Variants in EYS observed in about 807,000 individuals in gnomAD.
EYS encodes EGF-like photoreceptor maintenance factor, also known as protein eyes shut homolog.
EYS carries 250 observed loss-of-function variants against 282.1 expected under a neutral mutation model. That is an observed-to-expected ratio of 0.89 (90% confidence interval 0.80 to 0.98). EYS has a LOEUF of 0.98. EYS is among the 50% of genes least tolerant of loss of function. The pLI is 0.00. For missense variants in EYS, 4,016 were observed against 3,709.0 expected (o/e 1.08, Z -2.15); for synonymous variants, 1,355 against 1,282.9 (o/e 1.06, Z -1.20).
intron 11 of EYS, among the ~76,000 whole-genome samples, chr6:65,296,330 G>A (rs1025495321): frequency 2.0e-5 from 3 of 151,794 alleles, no homozygotes; most frequent in African/African-American, 7.3e-5. Flanking sequence ...AAATAACTTT[G>A]GTGCTGAATA....
intron 35 of EYS, among the ~76,000 whole-genome samples, chr6:63,944,204 G>C (rs1215817735): frequency 6.6e-6 from 1 of 152,116 alleles, no homozygotes; most frequent in Non-Finnish European, 1.5e-5. Context: ...ATAAGCAATA[G>C]AAAAAGCTGA....
At chr6:64,377,604 A>G (rs974600763) in intron 29 of EYS, among the ~76,000 whole-genome samples, 2 of 152,178 alleles carry the variant, frequency 1.3e-5, no homozygotes, top group Admixed American at 6.6e-5. Flanking sequence ...TGAAGCAATT[A>G]TAAGAGTATT....
At chr6:65,398,904 AC>A (rs1766388184) in intron 7 of EYS, among the ~76,000 whole-genome samples, 1 of 152,106 alleles carries the variant, frequency 6.6e-6, no homozygotes, top group Non-Finnish European at 1.5e-5. Context: ...TTATTTCCCA[AC>A]CTTTCAATTG....
At chr6:64,038,415 G>A (rs555307919) in intron 33 of EYS, among the ~76,000 whole-genome samples, 2 of 152,062 alleles carry the variant, frequency 1.3e-5, no homozygotes, top group African/African-American at 2.4e-5. Context: ...AAGACATCAT[G>A]TTGTACATGA....
At chr6:63,871,192 G>A (rs1007262395) in intron 35 of EYS, among the ~76,000 whole-genome samples, 4 of 152,148 alleles carry the variant, frequency 2.6e-5, no homozygotes, top group Non-Finnish European at 5.9e-5. Flanking sequence ...AAGTAGATCT[G>A]AGCTGAGATG....
chr6:64,023,588 G>C (rs1441315505), intron 33 of EYS, among the ~76,000 whole-genome samples: 1 of 152,214 alleles, frequency 6.6e-6, no homozygotes, highest in African/African-American at 2.4e-5. Context: ...TATGGCCATT[G>C]TAGTAGATGT....
chr6:65,517,841 T>A (rs956359598), intron 2 of EYS, among the ~76,000 whole-genome samples: 2 of 152,040 alleles, frequency 1.3e-5, no homozygotes, highest in Non-Finnish European at 2.9e-5. Context: ...AGTTTTCACA[T>A]GTAAGTTTGA....
At chr6:65,027,413 T>C (rs548231793) in intron 13 of EYS, among the ~76,000 whole-genome samples, 1 of 152,344 alleles carries the variant, frequency 6.6e-6, no homozygotes, top group South Asian at 2.1e-4. Context: ...TGGACCCTCC[T>C]ACATCCTGGT....
intron 1 of EYS, among the ~76,000 whole-genome samples, chr6:65,700,699 A>G (rs1429887072): frequency 6.6e-6 from 1 of 152,102 alleles, no homozygotes; most frequent in Non-Finnish European, 1.5e-5. Flanking sequence ...CTGTTAACAT[A>G]TTACCAGCAA....
At chr6:63,748,976 A>AG (rs1174542241) in intron 41 of EYS, among the ~76,000 whole-genome samples, 4 of 151,224 alleles carry the variant, frequency 2.6e-5, no homozygotes, top group Non-Finnish European at 4.4e-5. Context: ...TTTGTGTCTC[A>AG]ATCTCCTTCA....
intron 2 of EYS, among the ~76,000 whole-genome samples, chr6:65,524,176 G>A (rs1027862359): frequency 3.3e-5 from 5 of 152,150 alleles, no homozygotes; most frequent in Non-Finnish European, 7.4e-5. Context: ...CTGGCCAGAA[G>A]TCCAATTTTC....
At chr6:64,572,922 A>G (rs988709418) in intron 26 of EYS, among the ~76,000 whole-genome samples, 1 of 152,076 alleles carries the variant, frequency 6.6e-6, no homozygotes, top group Non-Finnish European at 1.5e-5. Flanking sequence ...AAAAAAAACT[A>G]CTTTAAATTT....
At chr6:65,581,238 A>T (rs1764858178) in intron 2 of EYS, among the ~76,000 whole-genome samples, 1 of 152,044 alleles carries the variant, frequency 6.6e-6, no homozygotes, top group African/African-American at 2.4e-5. Context: ...AGGGGAAAAA[A>T]GTGGCTCATG....
intron 26 of EYS, among the ~76,000 whole-genome samples, chr6:64,464,843 C>T (rs114253041): frequency 6.6e-6 from 1 of 151,626 alleles, no homozygotes; most frequent in Non-Finnish European, 1.5e-5. Context: ...GCTTTTTCAA[C>T]CAAATGTAAA....
chr6:63,738,376 G>T (rs887074273), intron 41 of EYS, among the ~76,000 whole-genome samples: 6 of 151,934 alleles, frequency 3.9e-5, no homozygotes, highest in Non-Finnish European at 7.4e-5. Flanking sequence ...AGAAAATGTG[G>T]CACATATACA....
intron 19 of EYS, among the ~76,000 whole-genome samples, chr6:64,867,608 A>G (rs528049834): frequency 6.6e-6 from 1 of 151,728 alleles, no homozygotes; most frequent in South Asian, 2.1e-4. Flanking sequence ...TAGCCTGTTT[A>G]TCTTATCTTT....
intron 12 of EYS, among the ~76,000 whole-genome samples, chr6:65,285,259 C>A (rs1297300052): frequency 6.6e-6 from 1 of 151,930 alleles, no homozygotes; most frequent in Non-Finnish European, 1.5e-5. Context: ...TATTTTGCAG[C>A]TATTTTACTA....
chr6:64,727,357 T>C (rs1044424927), intron 22 of EYS, among the ~76,000 whole-genome samples: 1 of 152,196 alleles, frequency 6.6e-6, no homozygotes, highest in Non-Finnish European at 1.5e-5. Flanking sequence ...ACTTAAAAAA[T>C]TTATTAGACT....
At chr6:64,717,511 C>T (rs116447650) in intron 22 of EYS, among the ~76,000 whole-genome samples, 2,463 of 152,198 alleles carry the variant, frequency 0.016, 48 homozygotes, top group Admixed American at 0.047. Context: ...AAGCTCAGGG[C>T]GGTAATGTGA....
Sources: allele counts gnomAD v4.1 joint callset (sites outside exome capture counted in the v4.1 genomes callset), GRCh38; gene constraint gnomAD v4.1.1; transcripts MANE v1.5; gene names NCBI Gene and HGNC (gene_info 2026-07-23, HGNC 2026-07-21).